Variants in LINGO2 observed in about 807,000 individuals in gnomAD.
LINGO2 encodes the protein leucine rich repeat and Ig domain containing 2.
In LINGO2, 14 loss-of-function variants were observed where a neutral mutation model predicts 30.6. That is an observed-to-expected ratio of 0.46 (90% CI 0.30 to 0.72). The LOEUF is 0.72. LINGO2 is among the 30% of genes least tolerant of loss of function. The probability of loss-of-function intolerance (pLI) is 0.07; values close to 1 mark genes in which losing one functional copy is unlikely to be tolerated. For synonymous variants in LINGO2, 317 were observed against 288.5 expected, an observed-to-expected ratio of 1.10 and a Z score of -1.00; for missense variants, 729 against 751.7, an observed-to-expected ratio of 0.97 and a Z score of 0.35.
intron 3 of LINGO2, among the ~76,000 whole-genome samples, chr9:28,364,665 T>C (rs1180242662): frequency 2.0e-5 from 3 of 152,246 alleles, no homozygotes; most frequent in Admixed American, 6.5e-5. Flanking sequence ...TCTTGTATTG[T>C]AGACAGTTAT....
intron 1 of LINGO2, among the ~76,000 whole-genome samples, chr9:28,641,169 G>T (rs919648488): frequency 6.6e-6 from 1 of 152,050 alleles, no homozygotes; most frequent in Non-Finnish European, 1.5e-5. Context: ...GAGTAGCTGG[G>T]ACTACAGGCG....
chr9:28,357,919 T>C (rs776593976), intron 3 of LINGO2, among the ~76,000 whole-genome samples: 1 of 151,942 alleles, frequency 6.6e-6, no homozygotes, highest in Admixed American at 6.6e-5. Context: ...ATCAAATAAA[T>C]CCAACAATTT....
chr9:28,609,492 C>G (rs1346273685), intron 1 of LINGO2, among the ~76,000 whole-genome samples: 1 of 151,496 alleles, frequency 6.6e-6, no homozygotes, highest in Non-Finnish European at 1.5e-5. Flanking sequence ...ATACAAATAA[C>G]CAATAAACAT....
the LINGO2 span, among the ~76,000 whole-genome samples, chr9:28,950,910 C>T: frequency 6.6e-6 from 1 of 152,086 alleles, no homozygotes; most frequent in Non-Finnish European, 1.5e-5. Context: ...TCATATGGAA[C>T]CAAAAAAGTG....
At chr9:27,982,917 A>G (rs942212471) in intron 5 of LINGO2, among the ~76,000 whole-genome samples, 7 of 151,818 alleles carry the variant, frequency 4.6e-5, no homozygotes, top group Admixed American at 3.3e-4. Flanking sequence ...TACGAACTGT[A>G]AAGTGCTACA....
chr9:28,348,634 G>C (rs566376098), intron 3 of LINGO2, among the ~76,000 whole-genome samples: 269 of 152,238 alleles, frequency 1.8e-3, no homozygotes, highest in African/African-American at 6.1e-3. Context: ...GCTGGAACTG[G>C]GTGGAGCCCA....
intron 3 of LINGO2, among the ~76,000 whole-genome samples, chr9:28,358,730 C>T (rs182745723): frequency 5.9e-5 from 9 of 152,212 alleles, no homozygotes; most frequent in East Asian, 5.8e-4. Context: ...ACAGGGTTGA[C>T]GTGAAGCACT....
downstream of LINGO2, among the ~76,000 whole-genome samples, chr9:27,947,715 A>C (rs1270863519): frequency 6.6e-6 from 1 of 152,190 alleles, no homozygotes; most frequent in Non-Finnish European, 1.5e-5. Context: ...GTTTTAAACA[A>C]ATCGTTGTTT....
At chr9:28,304,854 C>A (rs1824283586) in intron 3 of LINGO2, among the ~76,000 whole-genome samples, 2 of 151,810 alleles carry the variant, frequency 1.3e-5, no homozygotes. Flanking sequence ...GCATGAAAAA[C>A]AAAATTTGAA....
chr9:28,982,860 ATACT>A, the LINGO2 span, among the ~76,000 whole-genome samples: 1 of 152,036 alleles, frequency 6.6e-6, no homozygotes, highest in African/African-American at 2.4e-5. Flanking sequence ...CTAAGCTTTC[ATACT>A]TAATACTATT....
chr9:28,724,976 A>C, the LINGO2 span, among the ~76,000 whole-genome samples: 1 of 152,136 alleles, frequency 6.6e-6, no homozygotes, highest in African/African-American at 2.4e-5. Context: ...AAACAGCTTG[A>C]ATGCACCTAT....
At chr9:28,543,955 A>G (rs1821818513) in intron 1 of LINGO2, among the ~76,000 whole-genome samples, 1 of 152,096 alleles carries the variant, frequency 6.6e-6, no homozygotes, top group African/African-American at 2.4e-5. Flanking sequence ...CTGTAATACC[A>G]GCACTTTGGA....
At chr9:28,623,408 A>C (rs1182005909) in intron 1 of LINGO2, among the ~76,000 whole-genome samples, 1 of 152,076 alleles carries the variant, frequency 6.6e-6, no homozygotes, top group Admixed American at 6.6e-5. Flanking sequence ...TCTTCTGCAT[A>C]TGGATATCCA....
At chr9:29,188,350 A>T in the LINGO2 span, among the ~76,000 whole-genome samples, 1 of 152,152 alleles carries the variant, frequency 6.6e-6, no homozygotes, top group African/African-American at 2.4e-5. Context: ...GTCACAGATC[A>T]ACAGGATCCC....
At chr9:28,964,503 C>T in the LINGO2 span, among the ~76,000 whole-genome samples, 72 of 151,962 alleles carry the variant, frequency 4.7e-4, no homozygotes, top group Admixed American at 4.6e-3. Context: ...TTTGGGCAGA[C>T]TATTTAGGAC....
chr9:27,966,914 T>C (rs1355881796), intron 5 of LINGO2, among the ~76,000 whole-genome samples: 2 of 152,090 alleles, frequency 1.3e-5, no homozygotes, highest in Admixed American at 1.3e-4. Context: ...TTGGGAAATA[T>C]CAACTGGAGA....
At chr9:28,507,516 A>G (rs1820199960) in intron 1 of LINGO2, among the ~76,000 whole-genome samples, 1 of 152,066 alleles carries the variant, frequency 6.6e-6, no homozygotes, top group African/African-American at 2.4e-5. Context: ...GCAAAACTGA[A>G]TTCCTGATCT....
At chr9:29,047,649 G>A in the LINGO2 span, among the ~76,000 whole-genome samples, 8 of 152,090 alleles carry the variant, frequency 5.3e-5, no homozygotes, top group African/African-American at 9.6e-5. Flanking sequence ...TGATATAAAG[G>A]GCTTCCAAAT....
chr9:28,854,147 T>C, the LINGO2 span, among the ~76,000 whole-genome samples: 1 of 152,050 alleles, frequency 6.6e-6, no homozygotes, highest in Non-Finnish European at 1.5e-5. Context: ...TACTGCAATG[T>C]CCTAGAACCC....
Sources: allele counts gnomAD v4.1 joint callset (sites outside exome capture counted in the v4.1 genomes callset), GRCh38; gene constraint gnomAD v4.1.1; transcripts MANE v1.5; gene names NCBI Gene and HGNC (gene_info 2026-07-23, HGNC 2026-07-21).